Variants in CCDC172 observed in about 807,000 individuals in gnomAD.
CCDC172 encodes coiled-coil domain containing 172.
In CCDC172, 30 loss-of-function variants were observed where a neutral mutation model predicts 38.0. The observed-to-expected ratio is 0.79, with a 90% CI of 0.59 to 1.07. CCDC172 has a LOEUF of 1.07. CCDC172 is among the 50% of genes least tolerant of loss of function. The pLI, the probability that CCDC172 is intolerant of heterozygous loss-of-function variation, is 0.00. For missense variants in CCDC172, 297 were observed against 290.1 expected, an observed-to-expected ratio of 1.02 and a Z score of -0.17; for synonymous variants, 78 against 88.3, an observed-to-expected ratio of 0.88 and a Z score of 0.66.
Position 116,340,746 on chromosome 10 carries a change from T to C in CCDC172, c.178T>C (p.Phe60Leu), listed in dbSNP as rs137998964. Residue 60 changes from phenylalanine (F) to leucine (L), a missense_variant, in exon 4 of 9, where the codon TTT (phenylalanine) becomes CTT (leucine). Physicochemically the swap from Phe to Leu is conservative, Grantham distance 22. Coordinates refer to ENST00000333254, the MANE Select transcript of CCDC172 (RefSeq NM_198515.3). ...TTGTACTTTGAAGGTTCAACAGTTTTTTGAAAAATCCTTCTTCTTACAGCT... is the reference window on the plus strand; with the variant it reads ...TTGTACTTTGAAGGTTCAACAGTTTCTTGAAAAATCCTTCTTCTTACAGCT... ...IKLESKVQQF[F>L]EKSFFLQLLK... is the part of the protein sequence containing the mutation. 23 of 1,577,290 alleles carry C rather than the reference T, an allele frequency of 1.5e-5. No individual in the cohort carries two copies. The African/African-American group carries it at 2.9e-4, about 20-fold the overall frequency.
chr10:116,330,492 A>G (rs1264420160), intron 3 of CCDC172, among the ~76,000 whole-genome samples: 2 of 152,170 alleles, frequency 1.3e-5, no homozygotes, highest in African/African-American at 4.8e-5. Context: ...ATGTAGACCA[A>G]TGGATTTTAT....
intron 5 of CCDC172, among the ~76,000 whole-genome samples, chr10:116,347,100 A>G (rs963436545): frequency 1.5e-5 from 2 of 132,182 alleles, no homozygotes; most frequent in Non-Finnish European, 3.6e-5. Context: ...ATTTAAGTCA[A>G]GAGCTCAGAG....
At chr10:116,344,134 AAG>A (rs1402034168) in intron 5 of CCDC172, among the ~76,000 whole-genome samples, 2 of 152,228 alleles carry the variant, frequency 1.3e-5, no homozygotes, top group Non-Finnish European at 2.9e-5. Context: ...GGGAAAGGGA[AAG>A]AGGGGAACAA....
chr10:116,354,443 GC>G (rs1844969195), intron 5 of CCDC172, among the ~76,000 whole-genome samples: 1 of 151,992 alleles, frequency 6.6e-6, no homozygotes. Flanking sequence ...ACAGCTCCAG[GC>G]CAGGCATGGT....
chr10:116,331,212 AT>A (rs1248121305), intron 3 of CCDC172, among the ~76,000 whole-genome samples: 1 of 152,178 alleles, frequency 6.6e-6, no homozygotes, highest in Non-Finnish European at 1.5e-5. Context: ...TTCAGTTTTA[AT>A]TTTGATACAG....
At chr10:116,357,108 T>G (rs536430599) in intron 5 of CCDC172, among the ~76,000 whole-genome samples, 8 of 152,256 alleles carry the variant, frequency 5.3e-5, no homozygotes, top group African/African-American at 1.9e-4. Flanking sequence ...TTTTTAGATT[T>G]TTTAGGATTG....
chr10:116,357,716 C>G (rs1429095920), intron 6 of CCDC172, 120 bp from the exon 7 acceptor site: 7 of 682,674 alleles, frequency 1.0e-5, no homozygotes, highest in Admixed American at 3.6e-5. Flanking sequence ...AAATAAAAAT[C>G]ATTAGTGTAT....
chr10:116,375,318 T>C (rs1021374335), intron 7 of CCDC172, among the ~76,000 whole-genome samples: 3 of 152,068 alleles, frequency 2.0e-5, no homozygotes, highest in Non-Finnish European at 4.4e-5. Flanking sequence ...TATTATACTT[T>C]AAGTTCTGGG....
intron 7 of CCDC172, among the ~76,000 whole-genome samples, chr10:116,359,744 T>C (rs1469936157): frequency 6.6e-6 from 1 of 152,254 alleles, no homozygotes; most frequent in Non-Finnish European, 1.5e-5. Flanking sequence ...AGAGGAAATC[T>C]TTAATATTAA....
intron 7 of CCDC172, among the ~76,000 whole-genome samples, chr10:116,359,483 C>A (rs1278259849): frequency 6.6e-6 from 1 of 152,034 alleles, no homozygotes; most frequent in Non-Finnish European, 1.5e-5. Flanking sequence ...ACATTTTAGA[C>A]CAGATTATTC....
chr10:116,344,361 G>C (rs1025891599), intron 5 of CCDC172, among the ~76,000 whole-genome samples: 2 of 152,196 alleles, frequency 1.3e-5, no homozygotes, highest in Admixed American at 6.5e-5. Flanking sequence ...TAGGCTGTAA[G>C]CCTGTACTCA....
At chr10:116,365,258 AGG>A (rs2134961132) in intron 7 of CCDC172, among the ~76,000 whole-genome samples, 1 of 152,318 alleles carries the variant, frequency 6.6e-6, no homozygotes, top group South Asian at 2.1e-4. Flanking sequence ...TATGCTAAAT[AGG>A]GAAGTACTTC....
chr10:116,338,175 A>G (rs1051366080), intron 3 of CCDC172, among the ~76,000 whole-genome samples: 2 of 152,156 alleles, frequency 1.3e-5, no homozygotes, highest in African/African-American at 2.4e-5. Context: ...GCAGTATATT[A>G]TAGGCCTCTA....
chr10:116,344,799 T>C (rs1844844693), intron 5 of CCDC172, among the ~76,000 whole-genome samples: 1 of 151,924 alleles, frequency 6.6e-6, no homozygotes, highest in Non-Finnish European at 1.5e-5. Flanking sequence ...TACAAAAAAT[T>C]TTTTTCTTTG....
chr10:116,325,117 G>A, intron 2 of CCDC172, 27 bp downstream of exon 2: 1 of 1,608,982 alleles, frequency 6.2e-7, no homozygotes, highest in Non-Finnish European at 8.5e-7. Context: ...CCTTTGCATG[G>A]GGCCTTTTGT....
At chr10:116,352,774 G>C (rs1844945961) in intron 5 of CCDC172, among the ~76,000 whole-genome samples, 2 of 145,314 alleles carry the variant, frequency 1.4e-5, no homozygotes, top group Admixed American at 1.4e-4. Flanking sequence ...AGAGCAATTA[G>C]GAAAAAAAAA....
chr10:116,351,236 T>G (rs2134938952), intron 5 of CCDC172, among the ~76,000 whole-genome samples: 1 of 152,254 alleles, frequency 6.6e-6, no homozygotes, highest in East Asian at 1.9e-4. Flanking sequence ...TTGAATATTG[T>G]GTTATGGTAT....
intron 3 of CCDC172, among the ~76,000 whole-genome samples, chr10:116,328,041 A>G (rs1565710542): frequency 6.6e-6 from 1 of 152,114 alleles, no homozygotes; most frequent in Non-Finnish European, 1.5e-5. Context: ...GCTATTGTAC[A>G]GTCATACATT....
chr10:116,374,902 A>G (rs1845227691), intron 7 of CCDC172, among the ~76,000 whole-genome samples: 1 of 151,982 alleles, frequency 6.6e-6, no homozygotes, highest in Non-Finnish European at 1.5e-5. Flanking sequence ...TAAAAAAAAA[A>G]AAAGAATGGA....
Sources: gnomAD v4.1 joint callset for allele counts (sites outside exome capture counted in the v4.1 genomes callset) on GRCh38, gnomAD v4.1.1 for gene constraint, MANE v1.5 for transcripts, NCBI Gene and HGNC (gene_info 2026-07-23, HGNC 2026-07-21) for gene names.